The following FGGY variants were observed in gnomAD, a reference collection of about 807,000 sequenced individuals.
The protein encoded by FGGY is FGGY carbohydrate kinase domain-containing protein.
A neutral mutation model predicts 71.3 loss-of-function variants in FGGY; 72 were observed. The ratio of observed to expected loss-of-function variants is 1.01; its 90% confidence interval spans 0.84 to 1.23. The LOEUF (loss-of-function observed/expected upper bound fraction) is 1.23. Among genes scored for constraint, FGGY ranks in the 50% most tolerant of loss-of-function variants. The pLI, the probability that FGGY is intolerant of heterozygous loss-of-function variation, is 0.00. For synonymous variants in FGGY, 251 were observed against 250.3 expected (o/e 1.00, Z -0.02); for missense variants, 668 against 682.3 (o/e 0.98, Z 0.23).
At chr1:59,677,390 C>T (rs770736632) in intron 14 of FGGY, among the ~76,000 whole-genome samples, 5 of 152,198 alleles carry the variant, frequency 3.3e-5, no homozygotes, top group Non-Finnish European at 7.3e-5. Context: ...TCATGGACCA[C>T]ACATCTGGTG....
chr1:59,405,531 A>G (rs2062603151), intron 5 of FGGY, among the ~76,000 whole-genome samples: 1 of 152,228 alleles, frequency 6.6e-6, no homozygotes, highest in African/African-American at 2.4e-5. Flanking sequence ...GTAGGGGCTT[A>G]GTGGTATTTA....
At chr1:59,496,656 C>T (rs1055462801) in intron 6 of FGGY, among the ~76,000 whole-genome samples, 2 of 151,812 alleles carry the variant, frequency 1.3e-5, no homozygotes, top group African/African-American at 4.8e-5. Context: ...AACAAGCCTG[C>T]ACATGTACCC....
intron 11 of FGGY, 142 bp from the exon 12 acceptor site, chr1:59,660,077 C>A: frequency 1.5e-6 from 1 of 676,820 alleles, no homozygotes; most frequent in Non-Finnish European, 2.5e-6. Context: ...ATAGGCATTT[C>A]ACGTTCCGCT....
intron 6 of FGGY, among the ~76,000 whole-genome samples, chr1:59,472,497 T>C (rs1029531183): frequency 6.6e-6 from 1 of 152,216 alleles, no homozygotes; most frequent in Non-Finnish European, 1.5e-5. Flanking sequence ...GGCAGGCAGC[T>C]CCACCTGCAG....
At chr1:59,302,208 A>G (rs2042864076) in intron 1 of FGGY, among the ~76,000 whole-genome samples, 1 of 151,776 alleles carries the variant, frequency 6.6e-6, no homozygotes, top group African/African-American at 2.4e-5. Context: ...TTTTGTATCC[A>G]TCCTTATGAT....
At chr1:59,566,901 T>C (rs775943791) in intron 8 of FGGY, among the ~76,000 whole-genome samples, 2 of 152,184 alleles carry the variant, frequency 1.3e-5, no homozygotes, top group Non-Finnish European at 2.9e-5. Context: ...TTAGGTTACA[T>C]TATGGGATGA....
intron 5 of FGGY, among the ~76,000 whole-genome samples, chr1:59,387,230 T>C (rs903304007): frequency 4.3e-4 from 65 of 152,114 alleles, no homozygotes; most frequent in African/African-American, 1.5e-3. Flanking sequence ...ATTCTACTGA[T>C]TTTTCTTTTG....
intron 2 of FGGY, among the ~76,000 whole-genome samples, chr1:59,337,040 T>A (rs1434428115): frequency 2.4e-5 from 3 of 127,116 alleles, no homozygotes; most frequent in African/African-American, 6.0e-5. Context: ...TATTTATATG[T>A]ATATAGTCAT....
At position 59,520,569 on chromosome 1, in the gene FGGY, T is replaced by A. The variant is rs79735592; in HGVS notation, c.799+8130T>A. On this transcript the variant is annotated intron_variant, in intron 7 of 15. Coordinates refer to ENST00000303721, the MANE Select transcript of FGGY (RefSeq NM_018291.5). Reference sequence around the variant, plus strand: ...CTATTTCAGTTTTTTCACCAAATCATGTTCACGTTTGTATGCCCATCATCC... The same window carrying A: ...CTATTTCAGTTTTTTCACCAAATCAAGTTCACGTTTGTATGCCCATCATCC... Among the ~76,000 whole-genome samples, 206 of 152,338 alleles carry A rather than the reference T, an allele frequency of 1.4e-3. 1 individual carries two copies. The highest frequency in any genetic ancestry group is 2.5e-3 in the Non-Finnish European group (172 of 68,030).
intron 14 of FGGY, among the ~76,000 whole-genome samples, chr1:59,747,497 G>A (rs1034364600): frequency 5.9e-5 from 9 of 152,186 alleles, no homozygotes; most frequent in South Asian, 2.1e-4. Flanking sequence ...AGAATGTACC[G>A]TGAGGAATAA....
chr1:59,632,569 C>A (rs1390033404), intron 10 of FGGY, among the ~76,000 whole-genome samples: 1 of 152,050 alleles, frequency 6.6e-6, no homozygotes, highest in Non-Finnish European at 1.5e-5. Context: ...TGTACAAATC[C>A]CCCTCAAGCA....
In FGGY at chr1:59,410,398, CA is replaced by C. The variant is rs1346573739; in HGVS notation, c.554+31562del. Among the ~76,000 whole-genome samples, 33 of 152,230 alleles carry C rather than the reference CA, an allele frequency of 2.2e-4. No homozygotes were observed. The East Asian group carries it at 2.7e-3, about 13-fold the overall frequency. ...GAGAAAGCACTCAGAAAGGTTGAGT[CA>C]CTTGCTTGCCCACATCACACTACTA... On this transcript the variant is annotated intron_variant, in intron 5 of 15. Transcript: ENST00000303721.
Position 59,596,151 on chromosome 1 carries a change from T to A in FGGY, c.904-11652T>A, listed in dbSNP as rs1195677991. Among the ~76,000 whole-genome samples the A allele has an allele frequency of 3.3e-5, 5 of 152,204 alleles. No homozygotes were observed. The South Asian group carries it at 1.0e-3, about 32-fold the overall frequency. ...CCTCTGTGTTACAAACCATTTCTCTTTTATAGAAATTCATTTAAATAGAAA... is the reference window on the plus strand; with the variant it reads ...CCTCTGTGTTACAAACCATTTCTCTATTATAGAAATTCATTTAAATAGAAA... On this transcript the variant is annotated intron_variant, in intron 8 of 15. Coordinates refer to ENST00000303721, the MANE Select transcript of FGGY (RefSeq NM_018291.5).
chr1:59,303,763 T>C (rs1248715454), intron 1 of FGGY, among the ~76,000 whole-genome samples: 1 of 152,134 alleles, frequency 6.6e-6, no homozygotes, highest in Non-Finnish European at 1.5e-5. Flanking sequence ...TCAATACTTA[T>C]TCTTTGACTT....
At position 59,704,769 on chromosome 1, in the gene FGGY, A is replaced by G. The variant is rs1359831694; in HGVS notation, c.1512+30636A>G. 2.0e-5 allele frequency among the ~76,000 whole-genome samples: 3 copies of G among 152,172 alleles called. No homozygotes were observed. The East Asian group carries it at 5.8e-4, about 29-fold the overall frequency. On this transcript the variant is annotated intron_variant, in intron 14 of 15. Transcript: ENST00000303721. The stretch of plus-strand genomic sequence containing the variant: ...TGTTGGTGTAGTTCTTTATATACAA[A>G]TATGAGGACTTCTTTTAGAGAAATA...
chr1:59,444,926 C>A (rs2070872510), intron 5 of FGGY, among the ~76,000 whole-genome samples: 1 of 152,140 alleles, frequency 6.6e-6, no homozygotes, highest in South Asian at 2.1e-4. Flanking sequence ...TATCCTTTAA[C>A]AGATCTCTCC....
intron 7 of FGGY, among the ~76,000 whole-genome samples, chr1:59,521,712 G>A (rs1486195875): frequency 6.6e-6 from 1 of 152,132 alleles, no homozygotes; most frequent in Non-Finnish European, 1.5e-5. Context: ...ATTACTTTCA[G>A]AGTCAAATTT....
intron 8 of FGGY, among the ~76,000 whole-genome samples, chr1:59,595,639 G>A (rs532349660): frequency 1.3e-5 from 2 of 152,176 alleles, no homozygotes; most frequent in African/African-American, 4.8e-5. Context: ...GCAGTGAGCC[G>A]AGATCGCGCC....
In FGGY at chr1:59,355,594, G is replaced by T. The variant is rs79739081; in HGVS notation, c.465+9196G>T. 1.4e-3 allele frequency among the ~76,000 whole-genome samples: 210 copies of T among 151,502 alleles called. 1 individual carries two copies. The highest frequency in any genetic ancestry group is 2.6e-3 in the Non-Finnish European group (175 of 67,930). On this transcript the variant is annotated intron_variant, in intron 4 of 15. Transcript: ENST00000303721. ...GGCTTATTTTCCTAAAAAGCAACAT[G>T]CTAGGGACTTCACAGGCAGAATTTT...
Sources: gnomAD v4.1 joint callset for allele counts (sites outside exome capture counted in the v4.1 genomes callset) on GRCh38, gnomAD v4.1.1 for gene constraint, MANE v1.5 for transcripts, NCBI Gene and HGNC (gene_info 2026-07-23, HGNC 2026-07-21) for gene names.